Variants in EXOC5 observed in about 807,000 individuals in gnomAD.
EXOC5 encodes the protein exocyst complex component 5, also known as SEC10-like 1.
In EXOC5, 17 loss-of-function variants were observed where a neutral mutation model predicts 90.8. That is an observed-to-expected ratio of 0.19 (90% CI 0.13 to 0.28). EXOC5 has a LOEUF of 0.28. Among genes scored for constraint, EXOC5 ranks in the 10% least tolerant of loss-of-function variants. EXOC5 has a pLI of 1.00. For missense variants in EXOC5, 569 were observed against 830.6 expected (o/e 0.69, Z 3.87); for synonymous variants, 260 against 270.0 (o/e 0.96, Z 0.36).
intron 5 of EXOC5, chr14:57,237,575 T>C (rs1391844815): frequency 2.2e-6 from 1 of 449,740 alleles, no homozygotes; most frequent in East Asian, 3.9e-5. Flanking sequence ...AGAATTCTGA[T>C]AGGAAGCATG....
intron 15 of EXOC5, among the ~76,000 whole-genome samples, chr14:57,213,860 C>A (rs1299481995): frequency 6.6e-6 from 1 of 151,294 alleles, no homozygotes; most frequent in African/African-American, 2.4e-5. Flanking sequence ...GTCCCAGCTA[C>A]TCGGGAGGCT....
chr14:57,241,227 C>G (rs952522118), intron 4 of EXOC5, among the ~76,000 whole-genome samples: 18 of 152,184 alleles, frequency 1.2e-4, no homozygotes, highest in Admixed American at 6.5e-4. Flanking sequence ...AGCCTCTTCT[C>G]CCTTCTTGCT....
At chr14:57,246,059 AG>A (rs1027481071) in intron 3 of EXOC5, among the ~76,000 whole-genome samples, 4 of 151,664 alleles carry the variant, frequency 2.6e-5, no homozygotes, top group Non-Finnish European at 4.4e-5. Flanking sequence ...TAAAAAAAAA[AG>A]GGGGGAATCA....
At chr14:57,246,957 C>T in intron 2 of EXOC5, 99 bp from the exon 3 acceptor site, 1 of 658,594 alleles carries the variant, frequency 1.5e-6, no homozygotes, top group South Asian at 2.3e-5. Flanking sequence ...AGAAGAGTTC[C>T]TTGAGCTTGA....
chr14:57,231,172 C>G (rs1272480072), intron 11 of EXOC5, among the ~76,000 whole-genome samples: 1 of 151,984 alleles, frequency 6.6e-6, no homozygotes, highest in African/African-American at 2.4e-5. Context: ...CCACGCCCAG[C>G]TAATTTTTGT....
Position 57,232,737 on chromosome 14 carries a change from C to T in EXOC5, c.868G>A (p.Glu290Lys). 1 of 1,519,382 alleles carries T rather than the reference C, an allele frequency of 6.6e-7. No homozygotes were observed. The highest frequency in any genetic ancestry group is 1.4e-5 in the African/African-American group (1 of 72,144). The allele number at this position is 1,519,382 out of a possible 1,614,324, so 94.1% of individuals were successfully genotyped here. The change falls in exon 10 of 18, where the codon GAG becomes AAG. Residue 290 changes from glutamate to lysine, a missense_variant. By Grantham distance (56) the Glu-to-Lys change is moderately conservative. Around this residue, in one of 9 missense-constraint regions of EXOC5, gnomAD observed 114 missense variants for 111.2 expected, o/e 1.03. Coordinates refer to ENST00000621441, the MANE Select transcript of EXOC5 (RefSeq NM_006544.4). The part of the protein sequence containing the change: ...FEIKLQSFVK[E>K]QLEECRKSDA... ...GACTTCCTACATTCTTCTAACTGCTCTTTCACAAAACTCTAAAAGAAAAAG... is the reference window on the plus strand; with the variant it reads ...GACTTCCTACATTCTTCTAACTGCTTTTTCACAAAACTCTAAAAGAAAAAG...
chr14:57,254,592 G>C (rs140579397), intron 1 of EXOC5, among the ~76,000 whole-genome samples: 1 of 152,262 alleles, frequency 6.6e-6, no homozygotes, highest in Non-Finnish European at 1.5e-5. Context: ...CTGGAGTAGA[G>C]AGGCATATGG....
At chr14:57,222,554 C>T (rs568880578) in intron 12 of EXOC5, 138 bp from the exon 13 acceptor site, 23 of 499,598 alleles carry the variant, frequency 4.6e-5, no homozygotes, top group Non-Finnish European at 7.7e-5. Context: ...CCCCATACTG[C>T]GTGTGCATGC....
In EXOC5 at chr14:57,233,818, T is replaced by C. The variant is rs1305563196; in HGVS notation, c.780A>G (p.Gln260=). The C allele has an allele frequency of 6.2e-7, 1 of 1,606,640 alleles. No individual in the cohort carries two copies. The highest frequency in any genetic ancestry group is 8.5e-7 in the Non-Finnish European group (1 of 1,173,564). ...AGILCQRVNK[Q]VGDIFSNPET... is the part of the protein sequence containing the mutation. ...CTGGATTACTGAAGATATCTCCAAC[T>C]TGTTTGTTCACTCTTTGACAGAGTA... The change falls in exon 9 of 18, where the codon CAA becomes CAG. Residue 260 remains glutamine, a synonymous_variant. Transcript: ENST00000621441.
chr14:57,268,450 A>G, intron 1 of EXOC5, 172 bp downstream of exon 1: 1 of 1,426,810 alleles, frequency 7.0e-7, no homozygotes, highest in Non-Finnish European at 9.2e-7. Flanking sequence ...CCCCTCCCCC[A>G]TTTCACGCTC....
chr14:57,265,110 A>G (rs922791734), intron 1 of EXOC5, among the ~76,000 whole-genome samples: 3 of 151,778 alleles, frequency 2.0e-5, no homozygotes, highest in African/African-American at 7.3e-5. Context: ...GCTCATTTCC[A>G]TAACTTACTT....
At chr14:57,261,681 C>T (rs982658564) in intron 1 of EXOC5, among the ~76,000 whole-genome samples, 3 of 152,228 alleles carry the variant, frequency 2.0e-5, no homozygotes, top group Admixed American at 1.3e-4. Context: ...GAAACCTGGT[C>T]TCTGCTCCAC....
At chr14:57,219,807 T>C (rs1380960500) in intron 13 of EXOC5, among the ~76,000 whole-genome samples, 1 of 152,172 alleles carries the variant, frequency 6.6e-6, no homozygotes, top group Non-Finnish European at 1.5e-5. Flanking sequence ...TCCTAGATAC[T>C]GCTGCCATAG....
intron 1 of EXOC5, among the ~76,000 whole-genome samples, chr14:57,250,706 C>A (rs1417544427): frequency 1.3e-5 from 2 of 152,146 alleles, no homozygotes; most frequent in Admixed American, 1.3e-4. Flanking sequence ...TATAGACACA[C>A]TTAGGGGCTG....
Position 57,227,949 on chromosome 14 carries a change from C to T in EXOC5, c.1296+1785G>A, listed in dbSNP as rs58978806. ...AAGTTTACATACATATATATATACACACACACACACACACACACACACACA... is the reference window on the plus strand; with the variant it reads ...AAGTTTACATACATATATATATACATACACACACACACACACACACACACA... On this transcript the variant is annotated intron_variant, in intron 12 of 17. Transcript: ENST00000621441. Among the ~76,000 whole-genome samples the T allele has an allele frequency of 3.7e-3, 367 of 100,378 alleles. 2 individuals carry two copies. In the African/African-American group the frequency reaches 0.062, roughly 17 times the overall value. 65.9% of individuals were successfully genotyped at this position (100,378 alleles called of 152,430 possible). A position where few individuals can be genotyped will look rare whatever the true frequency, so the allele number is the denominator to read the frequency against.
At chr14:57,247,188 C>G (rs1884056519) in intron 2 of EXOC5, among the ~76,000 whole-genome samples, 1 of 152,022 alleles carries the variant, frequency 6.6e-6, no homozygotes, top group Non-Finnish European at 1.5e-5. Context: ...CAATAAACCC[C>G]TAGAATAGAA....
chr14:57,219,435 G>A lies in EXOC5; in HGVS notation c.1413C>T (p.Pro471=), dbSNP rs754213751. The change falls in exon 14 of 18, where the codon CCC becomes CCT. Residue 471 remains proline (P), a synonymous_variant. Transcript: ENST00000621441. ...GATTTGCATTCCTAGAATCTGAAGA[G>A]GGAATTCCTAAAACCAGAAAGCATA... ...YALETGLAGI[P]SSDSRNANLY... 6.4e-7 allele frequency: 1 copy of A among 1,572,174 alleles called. No individual in the cohort carries two copies.
At chr14:57,219,503 G>GA in intron 13 of EXOC5, 61 bp from the exon 14 acceptor site, 5 of 1,333,700 alleles carry the variant, frequency 3.7e-6, no homozygotes, top group Non-Finnish European at 4.1e-6. Context: ...CTTGGCAACA[G>GA]AAAAAAAGAA....
intron 15 of EXOC5, 56 bp from the exon 16 acceptor site, chr14:57,210,117 G>T: frequency 5.5e-6 from 4 of 732,390 alleles, no homozygotes; most frequent in Non-Finnish European, 7.0e-6. Context: ...CTATGTTTAT[G>T]TTTAATTATA....
Sources: gnomAD v4.1 joint callset for allele counts (sites outside exome capture counted in the v4.1 genomes callset) on GRCh38, gnomAD v4.1.1 for gene constraint, gnomAD v4.1.1 regional missense constraint, MANE v1.5 for transcripts, NCBI Gene and HGNC (gene_info 2026-07-23, HGNC 2026-07-21) for gene names.